SLF2: variants seen among roughly 807,000 people sequenced by gnomAD.
SLF2 encodes the protein SMC5-SMC6 complex localization factor protein 2.
In SLF2, 68 loss-of-function variants were observed where a neutral mutation model predicts 124.3. That is an observed-to-expected ratio of 0.55 (90% CI 0.45 to 0.67). The LOEUF (loss-of-function observed/expected upper bound fraction) is 0.67, where lower values mean the gene tolerates loss of function less well. SLF2 is among the 30% of genes least tolerant of loss of function. SLF2 has a pLI of 0.00. For synonymous variants in SLF2, 480 were observed against 478.8 expected (o/e 1.00, Z -0.03); for missense variants, 1,246 against 1,373.7 (o/e 0.91, Z 1.47).
At chr10:100,945,980 G>A (rs1228067891) in intron 13 of SLF2, among the ~76,000 whole-genome samples, 1 of 152,198 alleles carries the variant, frequency 6.6e-6, no homozygotes, top group Non-Finnish European at 1.5e-5. Flanking sequence ...TAACCTTGGA[G>A]CAGAGACCTA....
intron 19 of SLF2, among the ~76,000 whole-genome samples, chr10:100,960,560 T>C (rs1850408068): frequency 6.6e-6 from 1 of 152,244 alleles, no homozygotes; most frequent in African/African-American, 2.4e-5. Flanking sequence ...TATAGCTTTT[T>C]TGCAGAAATG....
At chr10:100,950,832 A>G in intron 17 of SLF2, 79 bp downstream of exon 17, 1 of 1,109,124 alleles carries the variant, frequency 9.0e-7, no homozygotes, top group South Asian at 1.3e-5. Flanking sequence ...TGCTTTATAT[A>G]GGAGAAAACT....
intron 6 of SLF2, among the ~76,000 whole-genome samples, chr10:100,927,605 C>T (rs1369213532): frequency 1.1e-4 from 16 of 152,284 alleles, no homozygotes; most frequent in East Asian, 7.7e-4. Flanking sequence ...GGCATATACA[C>T]GTAAGTGGAC....
At chr10:100,930,048 A>G in intron 8 of SLF2, 51 bp downstream of exon 8, 1 of 1,228,430 alleles carries the variant, frequency 8.1e-7, no homozygotes, top group Non-Finnish European at 1.1e-6. Context: ...AAATTACTCT[A>G]AAACACTTCT....
intron 17 of SLF2, among the ~76,000 whole-genome samples, chr10:100,951,542 C>T (rs570801425): frequency 1.3e-5 from 2 of 152,282 alleles, no homozygotes; most frequent in African/African-American, 2.4e-5. Flanking sequence ...GCCTGCATCC[C>T]GTATGGCCTT....
Position 100,944,053 on chromosome 10 carries a change from GA to G in SLF2, c.2685del (p.Glu896LysfsTer20), listed in dbSNP as rs1564780815. On this transcript the variant is annotated frameshift_variant, in exon 12 of 20. Coordinates refer to ENST00000238961, the MANE Select transcript of SLF2 (RefSeq NM_018121.4). LOFTEE classifies it high-confidence loss of function. Reference sequence around the variant, plus strand: ...CTGAAACACAGACAACATCAAGGGGGAAAGAAAGTGAAGATTCATCTTATAA... The same window carrying G: ...CTGAAACACAGACAACATCAAGGGGGAAGAAAGTGAAGATTCATCTTATAA... ...VSETQTTSRG[K>X]ESEDSSYKPI... is the part of the protein sequence containing the mutation. 9 of 1,612,226 alleles carry G rather than the reference GA, an allele frequency of 5.6e-6. No individual in the cohort carries two copies. The highest frequency in any genetic ancestry group is 7.6e-6 in the Non-Finnish European group (9 of 1,179,348).
intron 11 of SLF2, among the ~76,000 whole-genome samples, chr10:100,939,952 A>T (rs953550692): frequency 2.0e-4 from 31 of 152,308 alleles, no homozygotes; most frequent in Admixed American, 1.0e-3. Flanking sequence ...TCAGCTAGAG[A>T]CTATGTTTCA....
chr10:100,956,694 A>ACAGGAGGATTGCTTGAAGC (rs1027817314), intron 18 of SLF2, among the ~76,000 whole-genome samples, 157 bp downstream of exon 18: 1 of 152,056 alleles, frequency 6.6e-6, no homozygotes, highest in African/African-American at 2.4e-5. Context: ...GGAGGCTGAG[A>ACAGGAGGATTGCTTGAAGC]CAGGAGGATT....
chr10:100,913,567 A>G, intron 1 of SLF2: 1 of 1,207,892 alleles, frequency 8.3e-7, no homozygotes, highest in Non-Finnish European at 1.0e-6. Flanking sequence ...CTTAATGCAT[A>G]TTTAGATCGT....
chr10:100,947,952 TCTTAAG>T lies in SLF2; in HGVS notation c.3120+109_3120+114del. 4.1e-6 allele frequency: 3 copies of T among 737,222 alleles called. No individual in the cohort carries two copies. In the East Asian group the frequency reaches 8.0e-5, roughly 20 times the overall value. The allele number at this position is 737,222 out of a possible 1,614,324, so 45.7% of individuals were successfully genotyped here. On this transcript the variant is annotated intron_variant, in intron 15 of 19. Coordinates refer to ENST00000238961, the MANE Select transcript of SLF2 (RefSeq NM_018121.4). ...AAAGGTCCTGGGGTCAGAGCTCAGC[TCTTAAG>T]CTTGATACTGTTCATGTAATCTCTA...
At chr10:100,950,359 C>T in intron 16 of SLF2, 152 bp downstream of exon 16, 1 of 971,432 alleles carries the variant, frequency 1.0e-6, no homozygotes, top group Non-Finnish European at 1.4e-6. Context: ...TTTAATTTAT[C>T]ACTGTCATGA....
At chr10:100,940,639 G>A (rs1157164378) in intron 11 of SLF2, among the ~76,000 whole-genome samples, 2 of 152,006 alleles carry the variant, frequency 1.3e-5, no homozygotes, top group African/African-American at 4.8e-5. Context: ...TGGGATTACA[G>A]GCGTGAGTCA....
At chr10:100,942,160 T>G (rs1849993518) in intron 11 of SLF2, among the ~76,000 whole-genome samples, 1 of 152,206 alleles carries the variant, frequency 6.6e-6, no homozygotes, top group African/African-American at 2.4e-5. Context: ...AATGCAATTC[T>G]AGTTCTAATT....
At chr10:100,926,193 T>TAC in intron 6 of SLF2, 174 bp downstream of exon 6, 1 of 1,549,964 alleles carries the variant, frequency 6.5e-7, no homozygotes, top group Non-Finnish European at 8.7e-7. Context: ...ATGCCTGTAA[T>TAC]CACAACACTT....
chr10:100,916,638 G>A lies in SLF2; in HGVS notation c.253G>A (p.Gly85Arg). Reference protein sequence around the residue: ...KYGGSRLSITGTEQFERKLSS... With the variant: ...KYGGSRLSITRTEQFERKLSS... Reference sequence around the variant, plus strand: ...TGGAGGAAGTAGATTGTCTATCACTGGGACAGAGCAGTTTGAAAGGAAACT... The same window carrying A: ...TGGAGGAAGTAGATTGTCTATCACTAGGACAGAGCAGTTTGAAAGGAAACT... The change falls in exon 3 of 20, where the codon GGG (glycine) becomes AGG (arginine). Residue 85 changes from glycine to arginine, a missense_variant. Physicochemically the swap from Gly to Arg is moderately radical, Grantham distance 125. Coordinates refer to ENST00000238961, the MANE Select transcript of SLF2 (RefSeq NM_018121.4). 2.7e-6 allele frequency: 4 copies of A among 1,505,760 alleles called. No homozygotes were observed. Among genetic ancestry groups the A allele is most frequent in the South Asian group, 1.4e-5 (1 of 70,548 alleles). 93.3% of individuals were successfully genotyped at this position (1,505,760 alleles called of 1,614,324 possible).
At chr10:100,942,930 A>T (rs1321903648) in intron 11 of SLF2, among the ~76,000 whole-genome samples, 1 of 56,440 alleles carries the variant, frequency 1.8e-5, no homozygotes, top group Admixed American at 1.8e-4. Flanking sequence ...CACCCCACCC[A>T]CTCTCTCATC....
chr10:100,949,054 T>C (rs570316507), intron 15 of SLF2, among the ~76,000 whole-genome samples: 218 of 152,284 alleles, frequency 1.4e-3, no homozygotes, highest in Middle Eastern at 0.01. Context: ...ATTAACCAAC[T>C]CTTATGGGTT....
chr10:100,920,728 T>A (rs1272914732), intron 4 of SLF2, among the ~76,000 whole-genome samples: 1 of 152,178 alleles, frequency 6.6e-6, no homozygotes, highest in Non-Finnish European at 1.5e-5. Flanking sequence ...GGCAGATGGA[T>A]CACCTGAGGT....
intron 5 of SLF2, 67 bp downstream of exon 5, chr10:100,925,039 G>A (rs1849590103): frequency 6.9e-7 from 1 of 1,447,976 alleles, no homozygotes; most frequent in African/African-American, 1.4e-5. Context: ...GAAAGGGGTG[G>A]ATTATCGGAA....
Sources: allele counts gnomAD v4.1 joint callset (sites outside exome capture counted in the v4.1 genomes callset), GRCh38; gene constraint gnomAD v4.1.1; transcripts MANE v1.5; gene names NCBI Gene and HGNC (gene_info 2026-07-23, HGNC 2026-07-21).